The following UBR3 variants were observed in gnomAD, a reference collection of about 807,000 sequenced individuals.
UBR3 encodes the protein E3 ubiquitin-protein ligase UBR3.
Under a neutral mutation model 243.2 loss-of-function variants are expected in UBR3, and 85 were observed. The ratio of observed to expected loss-of-function variants is 0.35; its 90% CI spans 0.29 to 0.42. UBR3 has a LOEUF of 0.42. Among genes scored for constraint, UBR3 ranks in the 10% least tolerant of loss-of-function variants. The pLI is 1.00. For missense variants in UBR3, 1,686 were observed against 2,300.8 expected (o/e 0.73, Z 5.47); for synonymous variants, 748 against 799.8 (o/e 0.94, Z 1.09).
intron 1 of UBR3, among the ~76,000 whole-genome samples, chr2:169,848,523 TAAGTTCACTTAG>T (rs1391735532): frequency 1.3e-5 from 2 of 151,866 alleles, no homozygotes; most frequent in Non-Finnish European, 2.9e-5. Flanking sequence ...TATTTATATT[TAAGTTCACTTAG>T]GGCAGTTACC....
At chr2:170,021,606 A>T (rs1574409330) in intron 30 of UBR3, among the ~76,000 whole-genome samples, 1 of 152,298 alleles carries the variant, frequency 6.6e-6, no homozygotes, top group Admixed American at 6.5e-5. Flanking sequence ...TTTTGGTGGG[A>T]CATAAACATT....
At chr2:169,837,199 G>C (rs2082137960) in intron 1 of UBR3, among the ~76,000 whole-genome samples, 1 of 152,170 alleles carries the variant, frequency 6.6e-6, no homozygotes, top group Non-Finnish European at 1.5e-5. Flanking sequence ...CTGCCTGAAC[G>C]GGCCCGGAGG....
intron 23 of UBR3, among the ~76,000 whole-genome samples, chr2:169,955,073 A>G (rs2087215803): frequency 6.6e-6 from 1 of 152,154 alleles, no homozygotes; most frequent in Non-Finnish European, 1.5e-5. Flanking sequence ...GACTCAGTTT[A>G]TACAACTTTG....
At chr2:169,896,791 T>G (rs1050890950) in intron 8 of UBR3, 56 bp downstream of exon 8, 2 of 1,263,024 alleles carry the variant, frequency 1.6e-6, no homozygotes, top group African/African-American at 3.0e-5. Flanking sequence ...TATTCTAGTA[T>G]TATTAGTGTA....
intron 1 of UBR3, among the ~76,000 whole-genome samples, chr2:169,836,590 C>T (rs1394315507): frequency 6.6e-6 from 1 of 151,072 alleles, no homozygotes; most frequent in Non-Finnish European, 1.5e-5. Context: ...CCACAGCAAC[C>T]ATTTACCTAT....
At chr2:169,855,338 T>A (rs1044873241) in intron 1 of UBR3, among the ~76,000 whole-genome samples, 3 of 152,192 alleles carry the variant, frequency 2.0e-5, no homozygotes, top group African/African-American at 4.8e-5. Context: ...TTTTATTTTT[T>A]AATTTTTTAA....
At chr2:169,908,237 C>T (rs2085095509) in intron 10 of UBR3, among the ~76,000 whole-genome samples, 1 of 152,288 alleles carries the variant, frequency 6.6e-6, no homozygotes, top group Non-Finnish European at 1.5e-5. Flanking sequence ...TATGCATAAG[C>T]CCCAGTGTCA....
At position 170,000,153 on chromosome 2, in the gene UBR3, C is replaced by CA. The variant is rs147580589; in HGVS notation, c.3919-1141dup. ...AAAAAAAAAACCTCAAAAAACAAAA[C>CA]AAAAAAAAAACAAATTTGGAAAGGA... On this transcript the variant is annotated intron_variant, in intron 26 of 38. Transcript: ENST00000272793. Among the ~76,000 whole-genome samples, 982 of 143,890 alleles carry CA rather than the reference C, an allele frequency of 6.8e-3. 6 individuals are homozygous for CA. Among genetic ancestry groups the CA allele is most frequent in the African/African-American group, 0.011 (445 of 39,552 alleles). The allele number at this position is 143,890 out of a possible 152,430, so 94.4% of individuals were successfully genotyped here.
rs1206042042 is a variant in UBR3, at chr2:170,082,921, A to G, written c.*1078A>G. 2 of 152,642 alleles carry G rather than the reference A, an allele frequency of 1.3e-5. No homozygotes were observed. Among genetic ancestry groups the G allele is most frequent in the Admixed American group, 6.5e-5 (1 of 15,280 alleles). 9.5% of individuals were successfully genotyped at this position (152,642 alleles called of 1,614,324 possible). On this transcript the variant is annotated 3_prime_UTR_variant, in exon 39 of 39. Transcript: ENST00000272793. The stretch of plus-strand genomic sequence containing the variant: ...CATTCTTCTTAGAAACTGCTGTGAA[A>G]AACAATTTATGTTTGCAGGGTTTAA...
chr2:169,905,768 A>T (rs908773566), intron 9 of UBR3, among the ~76,000 whole-genome samples: 1 of 152,210 alleles, frequency 6.6e-6, no homozygotes, highest in South Asian at 2.1e-4. Context: ...ATCAATTAAA[A>T]TTTTTTTGAC....
chr2:169,904,533 G>T (rs1254506970), intron 8 of UBR3, among the ~76,000 whole-genome samples: 1 of 150,726 alleles, frequency 6.6e-6, no homozygotes, highest in African/African-American at 2.5e-5. Flanking sequence ...TTTAAACTTT[G>T]AGGATTTTTT....
intron 18 of UBR3, among the ~76,000 whole-genome samples, chr2:169,931,510 C>T (rs897640351): frequency 1.3e-5 from 2 of 152,032 alleles, no homozygotes; most frequent in Admixed American, 1.3e-4. Context: ...CAATGGTTAA[C>T]AGTGTCTTGT....
intron 19 of UBR3, among the ~76,000 whole-genome samples, chr2:169,933,806 C>A (rs1224058054): frequency 6.6e-6 from 1 of 152,120 alleles, no homozygotes; most frequent in Non-Finnish European, 1.5e-5. Flanking sequence ...AGACAAATAT[C>A]TGAAGAAAAT....
chr2:170,033,581 ACCCCCC>A (rs796698202), intron 31 of UBR3, among the ~76,000 whole-genome samples: 2 of 29,164 alleles, frequency 6.9e-5, no homozygotes, highest in Non-Finnish European at 1.3e-4. Context: ...TTCCACACCC[ACCCCCC>A]CCCCCCCCAA....
chr2:169,995,802 G>A (rs1447511274), intron 26 of UBR3, among the ~76,000 whole-genome samples: 1 of 152,028 alleles, frequency 6.6e-6, no homozygotes, highest in Non-Finnish European at 1.5e-5. Context: ...GTATCTGAAG[G>A]CCTTCAACAT....
chr2:169,914,379 A>G (rs947857831), intron 11 of UBR3, among the ~76,000 whole-genome samples: 1 of 152,234 alleles, frequency 6.6e-6, no homozygotes, highest in African/African-American at 2.4e-5. Flanking sequence ...TATTTCCTAC[A>G]GAAGAGTGGC....
intron 5 of UBR3, among the ~76,000 whole-genome samples, chr2:169,890,538 G>GAGAGAGATAGAT (rs2084294295): frequency 2.6e-5 from 2 of 77,594 alleles, no homozygotes; most frequent in Admixed American, 1.5e-4. Context: ...GAGAGAGAGA[G>GAGAGAGATAGAT]AGATATATAT....
intron 1 of UBR3, among the ~76,000 whole-genome samples, chr2:169,841,961 G>A (rs957995527): frequency 2.0e-5 from 3 of 152,238 alleles, no homozygotes; most frequent in Non-Finnish European, 4.4e-5. Context: ...CTGTAGCCCC[G>A]GTGCGGGATC....
At chr2:169,862,981 G>A (rs1177927052) in intron 1 of UBR3, among the ~76,000 whole-genome samples, 1 of 152,186 alleles carries the variant, frequency 6.6e-6, no homozygotes, top group Non-Finnish European at 1.5e-5. Flanking sequence ...TGTAATGTGT[G>A]TAGTAAGTTG....
Sources: gnomAD v4.1 joint callset for allele counts (sites outside exome capture counted in the v4.1 genomes callset) on GRCh38, gnomAD v4.1.1 for gene constraint, MANE v1.5 for transcripts, NCBI Gene and HGNC (gene_info 2026-07-23, HGNC 2026-07-21) for gene names.